SGCZ: variants seen among roughly 807,000 people sequenced by gnomAD.
SGCZ encodes the protein zeta-sarcoglycan.
In SGCZ, 40 loss-of-function variants were observed where a neutral mutation model predicts 41.3. The ratio of observed to expected loss-of-function variants is 0.97; its 90% CI spans 0.75 to 1.26. The LOEUF (loss-of-function observed/expected upper bound fraction) is 1.26, where lower values mean the gene tolerates loss of function less well. SGCZ is among the 50% of genes most tolerant of loss of function. The probability of loss-of-function intolerance (pLI) is 0.00; values close to 1 mark genes in which losing one functional copy is unlikely to be tolerated. For missense variants in SGCZ, 552 were observed against 369.8 expected (o/e 1.49, Z -4.04); for synonymous variants, 206 against 137.5 (o/e 1.50, Z -3.49).
intron 2 of SGCZ, among the ~76,000 whole-genome samples, chr8:14,461,211 G>C (rs1800892750): frequency 6.6e-6 from 1 of 152,036 alleles, no homozygotes; most frequent in Admixed American, 6.6e-5. Flanking sequence ...TCCCTCAATA[G>C]TGATAACTTG....
In SGCZ at chr8:15,125,322, GT is replaced by G. The variant is rs565422042; in HGVS notation, c.39+112262del. ...TCTACACTCATCTACCCTTATGTATGTGGGACTATGTCCTCTCTGACCTGGA... is the reference window on the plus strand; with the variant it reads ...TCTACACTCATCTACCCTTATGTATGGGGACTATGTCCTCTCTGACCTGGA... On this transcript the variant is annotated intron_variant, in intron 1 of 7. Transcript: ENST00000382080. 1.2e-3 allele frequency among the ~76,000 whole-genome samples: 184 copies of G among 152,254 alleles called. 1 individual carries two copies. Among genetic ancestry groups the G allele is most frequent in the African/African-American group, 3.6e-3 (151 of 41,546 alleles).
At chr8:15,146,614 G>C (rs535963475) in intron 1 of SGCZ, among the ~76,000 whole-genome samples, 1 of 152,246 alleles carries the variant, frequency 6.6e-6, no homozygotes, top group East Asian at 1.9e-4. Context: ...TTATAATTTT[G>C]TTTTCTATAT....
rs534909486 is a variant in SGCZ, at chr8:15,144,787, T to C, written c.39+92798A>G. 3.9e-5 allele frequency among the ~76,000 whole-genome samples: 6 copies of C among 152,336 alleles called. No homozygotes were observed. The South Asian group carries it at 1.2e-3, about 32-fold the overall frequency. ...TCACCTTTTAAAATAAATATTTAAC[T>C]TCTGTTAGTTTGCAGGGAAAAGCAG... On this transcript the variant is annotated intron_variant, in intron 1 of 7. Transcript: ENST00000382080.
At chr8:14,311,796 A>ATT (rs142534427) in intron 3 of SGCZ, among the ~76,000 whole-genome samples, 2 of 151,834 alleles carry the variant, frequency 1.3e-5, no homozygotes, top group South Asian at 2.1e-4. Context: ...TGAAATGTGT[A>ATT]TTTTTTTCTG....
intron 4 of SGCZ, among the ~76,000 whole-genome samples, chr8:14,228,753 T>C (rs1806460415): frequency 6.6e-6 from 1 of 152,078 alleles, no homozygotes; most frequent in African/African-American, 2.4e-5. Context: ...CTCATTTATA[T>C]ACCCTCAAGA....
chr8:14,104,142 G>T (rs1187242086), intron 6 of SGCZ, among the ~76,000 whole-genome samples: 2 of 152,068 alleles, frequency 1.3e-5, no homozygotes, highest in Non-Finnish European at 2.9e-5. Context: ...GTTGAAAAAG[G>T]AAACCCAAGT....
chr8:14,452,714 C>G (rs935157245), intron 2 of SGCZ, among the ~76,000 whole-genome samples: 3 of 152,000 alleles, frequency 2.0e-5, no homozygotes, highest in East Asian at 1.9e-4. Flanking sequence ...TATATTGGAA[C>G]TCTTTTTGTG....
chr8:14,359,331 A>G (rs896345720), intron 2 of SGCZ, among the ~76,000 whole-genome samples: 2 of 152,140 alleles, frequency 1.3e-5, no homozygotes, highest in African/African-American at 4.8e-5. Flanking sequence ...CCAGACAGAA[A>G]ATCAACAAAG....
intron 1 of SGCZ, among the ~76,000 whole-genome samples, chr8:15,197,887 C>A (rs572167943): frequency 2.0e-5 from 3 of 150,036 alleles, no homozygotes; most frequent in African/African-American, 7.3e-5. Context: ...TGTATATATA[C>A]ACACACACAC....
intron 2 of SGCZ, among the ~76,000 whole-genome samples, chr8:14,528,847 A>AAAAT (rs1803038022): frequency 6.7e-6 from 1 of 149,586 alleles, no homozygotes; most frequent in African/African-American, 2.5e-5. Context: ...ACAAAACAAA[A>AAAAT]ACAAAAAAAG....
At chr8:14,186,333 ATC>A (rs1431113743) in intron 4 of SGCZ, among the ~76,000 whole-genome samples, 2 of 152,188 alleles carry the variant, frequency 1.3e-5, no homozygotes, top group Non-Finnish European at 2.9e-5. Context: ...TTAGCCATGA[ATC>A]TCTCTATTTC....
At chr8:14,779,108 A>G (rs73531200) in intron 1 of SGCZ, among the ~76,000 whole-genome samples, 10,226 of 152,256 alleles carry the variant, frequency 0.067, 738 homozygotes, top group African/African-American at 0.18. Flanking sequence ...TTCAGCTTCT[A>G]ACATAGTCCC....
At chr8:14,640,177 TA>T (rs150375734) in intron 1 of SGCZ, among the ~76,000 whole-genome samples, 5,291 of 151,798 alleles carry the variant, frequency 0.035, 295 homozygotes, top group African/African-American at 0.12. Context: ...GGAAGAATAG[TA>T]AAAGCAATTA....
chr8:14,216,391 AT>A (rs1805994821), intron 4 of SGCZ, among the ~76,000 whole-genome samples: 1 of 152,120 alleles, frequency 6.6e-6, no homozygotes, highest in Admixed American at 6.6e-5. Context: ...GCACTTCCTA[AT>A]TTGTCTTATG....
chr8:14,906,422 G>A (rs771886481), intron 1 of SGCZ, among the ~76,000 whole-genome samples: 2 of 152,100 alleles, frequency 1.3e-5, no homozygotes, highest in Non-Finnish European at 2.9e-5. Context: ...TGAACCAATG[G>A]CTCTTAAACC....
rs192450401 is a variant in SGCZ at position 14,589,272 on chromosome 8, G to T, written c.40-34346C>A. 3.4e-3 allele frequency among the ~76,000 whole-genome samples: 512 copies of T among 151,784 alleles called. 2 individuals are homozygous for T. The highest frequency in any genetic ancestry group is 0.012 in the African/African-American group (486 of 41,378). On this transcript the variant is annotated intron_variant, in intron 1 of 7. Transcript: ENST00000382080. The stretch of plus-strand genomic sequence containing the variant: ...GAGGCAGGAGAATTGTTTGAATCTG[G>T]GAGGTGAGTGTTGCAGTGAGCTGAG...
chr8:14,815,382 A>ATTT (rs368066882), intron 1 of SGCZ, among the ~76,000 whole-genome samples: 20,027 of 147,650 alleles, frequency 0.14, 1,882 homozygotes, highest in East Asian at 0.25. Context: ...AACTTGTATG[A>ATTT]TTTTTTTTTT....
rs115013204 is a variant in SGCZ at position 14,320,335 on chromosome 8, G to A, written c.336+3768C>T. Among the ~76,000 whole-genome samples the A allele has an allele frequency of 9.1e-3, 1,378 of 151,832 alleles. 21 individuals are homozygous for A. The highest frequency in any genetic ancestry group is 0.031 in the African/African-American group (1,270 of 41,468). On this transcript the variant is annotated intron_variant, in intron 3 of 7. Coordinates refer to ENST00000382080, the MANE Select transcript of SGCZ (RefSeq NM_139167.4). ...GAAACCTAAATAGACCAGATTTGCC[G>A]TGTTACCTGAATGAAAGAGGTAAGG...
chr8:15,169,050 G>A (rs1232367037), intron 1 of SGCZ, among the ~76,000 whole-genome samples: 1 of 152,120 alleles, frequency 6.6e-6, no homozygotes, highest in Admixed American at 6.5e-5. Flanking sequence ...AATCTGGTTT[G>A]TCTGTCTTTG....
Sources: gnomAD v4.1 joint callset for allele counts (sites outside exome capture counted in the v4.1 genomes callset) on GRCh38, gnomAD v4.1.1 for gene constraint, MANE v1.5 for transcripts, NCBI Gene and HGNC (gene_info 2026-07-23, HGNC 2026-07-21) for gene names.